HS6ST3: variants seen among roughly 807,000 people sequenced by gnomAD.
HS6ST3 encodes heparan-sulfate 6-O-sulfotransferase 3.
A neutral mutation model predicts 36.7 loss-of-function variants in HS6ST3; 12 were observed. The ratio of observed to expected loss-of-function variants is 0.33; its 90% CI spans 0.21 to 0.53. HS6ST3 has a LOEUF of 0.53. HS6ST3 is among the 20% of genes least tolerant of loss of function. The probability of loss-of-function intolerance (pLI) is 0.95; values close to 1 mark genes in which losing one functional copy is unlikely to be tolerated. For missense variants in HS6ST3, 584 were observed against 640.9 expected, an observed-to-expected ratio of 0.91 and a Z score of 0.96; for synonymous variants, 240 against 257.5, an observed-to-expected ratio of 0.93 and a Z score of 0.65.
intron 1 of HS6ST3, among the ~76,000 whole-genome samples, chr13:96,235,657 A>G (rs575147633): frequency 6.6e-6 from 1 of 152,010 alleles, no homozygotes; most frequent in Non-Finnish European, 1.5e-5. Context: ...CCCAACCACC[A>G]TTCAAAAACC....
intron 1 of HS6ST3, among the ~76,000 whole-genome samples, chr13:96,832,031 C>T (rs1044150457): frequency 2.7e-5 from 4 of 149,244 alleles, no homozygotes; most frequent in African/African-American, 9.9e-5. Flanking sequence ...AGTCCCATGT[C>T]CTTGGATAAA....
chr13:96,372,999 G>C lies in HS6ST3; in HGVS notation c.707+281430G>C, dbSNP rs1048081053. Among the ~76,000 whole-genome samples, 6 of 152,192 alleles carry C rather than the reference G, an allele frequency of 3.9e-5. No individual in the cohort carries two copies. The East Asian group carries it at 9.7e-4, about 25-fold the overall frequency. On this transcript the variant is annotated intron_variant, in intron 1 of 1. Coordinates refer to ENST00000376705, the MANE Select transcript of HS6ST3 (RefSeq NM_153456.4). Reference sequence around the variant, plus strand: ...TGGCAGGACCATGCTCCTTCTGAAGGCTCCAGGGGCAAATCCTTCCATGCC... The same window carrying C: ...TGGCAGGACCATGCTCCTTCTGAAGCCTCCAGGGGCAAATCCTTCCATGCC...
chr13:96,188,448 T>C (rs1401326872), intron 1 of HS6ST3, among the ~76,000 whole-genome samples: 1 of 151,070 alleles, frequency 6.6e-6, no homozygotes, highest in East Asian at 1.9e-4. Context: ...GACCCCCCCA[T>C]CGCTACAAAA....
chr13:96,510,894 C>T (rs1225475768), intron 1 of HS6ST3, among the ~76,000 whole-genome samples: 2 of 151,948 alleles, frequency 1.3e-5, no homozygotes, highest in Non-Finnish European at 1.5e-5. Flanking sequence ...TGCTAAAGGC[C>T]TCATTGAATT....
At chr13:96,610,736 T>G (rs1360387656) in intron 1 of HS6ST3, among the ~76,000 whole-genome samples, 1 of 152,066 alleles carries the variant, frequency 6.6e-6, no homozygotes, top group Admixed American at 6.5e-5. Context: ...ATGTTTTACT[T>G]CCTCATGTCT....
intron 1 of HS6ST3, among the ~76,000 whole-genome samples, chr13:96,822,576 C>T (rs1055112450): frequency 6.6e-6 from 1 of 152,142 alleles, no homozygotes; most frequent in Non-Finnish European, 1.5e-5. Flanking sequence ...AGCGACGTGA[C>T]AAGATTTGAA....
At chr13:96,679,495 A>G (rs957134248) in intron 1 of HS6ST3, among the ~76,000 whole-genome samples, 15 of 152,064 alleles carry the variant, frequency 9.9e-5, no homozygotes, top group Admixed American at 2.6e-4. Context: ...ACACAAGCAT[A>G]TTTGGATCCT....
rs149435071 is a variant in HS6ST3, at chr13:96,335,281, A to T, written c.707+243712A>T. Among the ~76,000 whole-genome samples, 3 of 152,290 alleles carry T rather than the reference A, an allele frequency of 2.0e-5. No individual in the cohort carries two copies. In the East Asian group the frequency reaches 5.8e-4, roughly 29 times the overall value. The stretch of plus-strand genomic sequence containing the variant: ...ACTCTTGCAGGTTAAAAGAAGTTGA[A>T]AAGTTTCTAGAGTCACCCAGACCTG... On this transcript the variant is annotated intron_variant, in intron 1 of 1. Transcript: ENST00000376705.
chr13:96,819,764 T>G (rs1313484613), intron 1 of HS6ST3, among the ~76,000 whole-genome samples: 1 of 152,122 alleles, frequency 6.6e-6, no homozygotes, highest in Non-Finnish European at 1.5e-5. Flanking sequence ...AAGAAAATCC[T>G]TGTATATGGC....
At chr13:96,492,142 A>G (rs1224143267) in intron 1 of HS6ST3, among the ~76,000 whole-genome samples, 2 of 152,154 alleles carry the variant, frequency 1.3e-5, no homozygotes, top group African/African-American at 4.8e-5. Flanking sequence ...GCCAGGTACT[A>G]TGAGCGTGTC....
At chr13:96,104,679 C>T (rs1413314178) in intron 1 of HS6ST3, among the ~76,000 whole-genome samples, 1 of 152,180 alleles carries the variant, frequency 6.6e-6, no homozygotes, top group South Asian at 2.1e-4. Context: ...GACAACTGCC[C>T]CAGGGCCTGC....
intron 1 of HS6ST3, among the ~76,000 whole-genome samples, chr13:96,487,464 A>ACTTTGCAG (rs2055921095): frequency 6.6e-6 from 1 of 152,146 alleles, no homozygotes; most frequent in East Asian, 1.9e-4. Flanking sequence ...TTGAATTTCT[A>ACTTTGCAG]AATGTGACAT....
intron 1 of HS6ST3, among the ~76,000 whole-genome samples, chr13:96,553,124 G>A (rs535228099): frequency 1.3e-5 from 2 of 152,244 alleles, no homozygotes; most frequent in Admixed American, 6.5e-5. Context: ...TTTTGAAGGA[G>A]TCTGTGTAAT....
intron 1 of HS6ST3, among the ~76,000 whole-genome samples, chr13:96,191,222 C>T (rs2054286962): frequency 1.3e-5 from 2 of 152,180 alleles, no homozygotes; most frequent in Non-Finnish European, 2.9e-5. Context: ...TCTAGACTTG[C>T]CTGCTTCCAA....
intron 1 of HS6ST3, among the ~76,000 whole-genome samples, chr13:96,803,256 A>C (rs1248733593): frequency 6.6e-6 from 1 of 152,160 alleles, no homozygotes; most frequent in African/African-American, 2.4e-5. Flanking sequence ...TATAGTTGTT[A>C]ATTTTTGAGA....
chr13:96,690,368 G>A (rs1874922583), intron 1 of HS6ST3, among the ~76,000 whole-genome samples: 1 of 152,082 alleles, frequency 6.6e-6, no homozygotes, highest in Admixed American at 6.6e-5. Flanking sequence ...AGTCATCCTT[G>A]ATAGATTGGT....
At chr13:96,480,698 C>T (rs373394334) in intron 1 of HS6ST3, among the ~76,000 whole-genome samples, 6 of 152,162 alleles carry the variant, frequency 3.9e-5, no homozygotes, top group Admixed American at 2.0e-4. Context: ...ACTCCCTGAT[C>T]CCCACTTCTG....
chr13:96,332,061 A>G (rs1452949123), intron 1 of HS6ST3, among the ~76,000 whole-genome samples: 1 of 152,186 alleles, frequency 6.6e-6, no homozygotes, highest in Non-Finnish European at 1.5e-5. Context: ...GCACGCACCC[A>G]CTGACCTGCG....
At chr13:96,224,972 C>T (rs1239295307) in intron 1 of HS6ST3, among the ~76,000 whole-genome samples, 1 of 152,062 alleles carries the variant, frequency 6.6e-6, no homozygotes, top group African/African-American at 2.4e-5. Context: ...TTAATTTTTC[C>T]AAAGGGTAAT....
Sources: gnomAD v4.1 joint callset for allele counts (sites outside exome capture counted in the v4.1 genomes callset) on GRCh38, gnomAD v4.1.1 for gene constraint, MANE v1.5 for transcripts, NCBI Gene and HGNC (gene_info 2026-07-23, HGNC 2026-07-21) for gene names.